Variants in MTHFD1L observed in about 807,000 individuals in gnomAD.
MTHFD1L encodes methylenetetrahydrofolate dehydrogenase (NADP+ dependent) 1 like.
A neutral mutation model predicts 119.5 loss-of-function variants in MTHFD1L; 81 were observed. The observed-to-expected ratio is 0.68, with a 90% CI of 0.57 to 0.82. MTHFD1L has a LOEUF of 0.82. Among genes scored for constraint, MTHFD1L ranks in the 40% least tolerant of loss-of-function variants. The pLI is 0.00. For synonymous variants in MTHFD1L, 430 were observed against 475.2 expected, an observed-to-expected ratio of 0.90 and a Z score of 1.24; for missense variants, 1,125 against 1,253.4, an observed-to-expected ratio of 0.90 and a Z score of 1.55.
chr6:151,096,393 T>C (rs1042003314), intron 27 of MTHFD1L, among the ~76,000 whole-genome samples: 1 of 152,174 alleles, frequency 6.6e-6, no homozygotes, highest in African/African-American at 2.4e-5. Flanking sequence ...CGTTTGACCC[T>C]GCTTGAACAA....
intron 2 of MTHFD1L, among the ~76,000 whole-genome samples, 197 bp from the exon 3 acceptor site, chr6:150,877,437 T>C (rs1222640028): frequency 6.6e-6 from 1 of 152,190 alleles, no homozygotes; most frequent in African/African-American, 2.4e-5. Context: ...AAAAGTGACA[T>C]AATTTGAAGG....
intron 20 of MTHFD1L, among the ~76,000 whole-genome samples, chr6:150,985,660 C>CAAAAAAAAAAAAA (rs71014533): frequency 6.3e-5 from 5 of 78,952 alleles, no homozygotes; most frequent in Admixed American, 1.4e-4. Flanking sequence ...GACTCTGTCT[C>CAAAAAAAAAAAAA]AAAAAAAAAA....
At chr6:150,897,250 A>T (rs1365272948) in intron 7 of MTHFD1L, among the ~76,000 whole-genome samples, 3 of 152,236 alleles carry the variant, frequency 2.0e-5, no homozygotes, top group Admixed American at 6.5e-5. Flanking sequence ...GAGTAAAAAC[A>T]TAATTAAAAC....
chr6:151,015,734 T>C (rs1299225437), intron 24 of MTHFD1L, 41 bp downstream of exon 24: 2 of 1,593,058 alleles, frequency 1.3e-6, no homozygotes, highest in Non-Finnish European at 1.7e-6. Context: ...TTCTTACACC[T>C]TAGCATGGGT....
chr6:151,065,305 A>G (rs1204183335), intron 26 of MTHFD1L, among the ~76,000 whole-genome samples: 2 of 152,164 alleles, frequency 1.3e-5, no homozygotes, highest in Non-Finnish European at 1.5e-5. Context: ...GACTCACGCC[A>G]TCTTGACTTG....
intron 8 of MTHFD1L, among the ~76,000 whole-genome samples, chr6:150,915,802 C>A (rs1335206280): frequency 6.6e-6 from 1 of 152,138 alleles, no homozygotes; most frequent in Non-Finnish European, 1.5e-5. Context: ...CAGGGTTTCA[C>A]CTTGTTGGCC....
At chr6:151,073,324 C>T (rs61103672) in intron 26 of MTHFD1L, among the ~76,000 whole-genome samples, 8,248 of 152,306 alleles carry the variant, frequency 0.054, 328 homozygotes, top group South Asian at 0.14. Flanking sequence ...AATGAGGGAA[C>T]AGTGCCTGCC....
chr6:151,012,758 C>G (rs1474971382), intron 21 of MTHFD1L, among the ~76,000 whole-genome samples: 2 of 152,042 alleles, frequency 1.3e-5, no homozygotes, highest in African/African-American at 4.8e-5. Flanking sequence ...GGAATTGGGT[C>G]ACATGATTAC....
intron 26 of MTHFD1L, among the ~76,000 whole-genome samples, chr6:151,066,950 G>A (rs1791364768): frequency 6.6e-6 from 1 of 151,260 alleles, no homozygotes; most frequent in Non-Finnish European, 1.5e-5. Context: ...CAGTTTGTAG[G>A]TCTCTGTAGT....
At chr6:150,960,150 C>A in intron 17 of MTHFD1L, 125 bp from the exon 18 acceptor site, 1 of 1,269,064 alleles carries the variant, frequency 7.9e-7, no homozygotes, top group South Asian at 1.5e-5. Context: ...GGATTGCATG[C>A]ATGGCCTTTT....
chr6:150,975,217 A>C (rs1376247915), intron 20 of MTHFD1L, among the ~76,000 whole-genome samples: 1 of 152,214 alleles, frequency 6.6e-6, no homozygotes, highest in Non-Finnish European at 1.5e-5. Context: ...GTGCTCTATG[A>C]TGTCTAAATA....
intron 20 of MTHFD1L, among the ~76,000 whole-genome samples, chr6:150,998,995 A>AAAAAAAATGTATATATATAT (rs986639098): frequency 7.0e-6 from 1 of 143,666 alleles, no homozygotes; most frequent in African/African-American, 2.6e-5. Context: ...GTCTTAAAAA[A>AAAAAAAATGTATATATATAT]ATATATATAC....
At chr6:150,900,608 C>T (rs1001234867) in intron 7 of MTHFD1L, among the ~76,000 whole-genome samples, 2 of 152,220 alleles carry the variant, frequency 1.3e-5, no homozygotes, top group African/African-American at 4.8e-5. Context: ...CTTGCTTTTC[C>T]TCCTACCCCT....
At chr6:151,066,495 G>A (rs557667762) in intron 26 of MTHFD1L, among the ~76,000 whole-genome samples, 2 of 150,274 alleles carry the variant, frequency 1.3e-5, no homozygotes, top group South Asian at 4.2e-4. Flanking sequence ...GCCGGGTGCG[G>A]TGGCTCACAC....
Position 151,017,239 on chromosome 6 carries a change from T to C in MTHFD1L, c.2586+1546T>C, listed in dbSNP as rs183581987. On this transcript the variant is annotated intron_variant, in intron 24 of 27. Coordinates refer to ENST00000367321, the MANE Select transcript of MTHFD1L (RefSeq NM_015440.5). Reference sequence around the variant, plus strand: ...CCTGCCAGCTACCATTCTCCTTCATTTCCATGAATGTAACAACTCCAGGGA... The same window carrying C: ...CCTGCCAGCTACCATTCTCCTTCATCTCCATGAATGTAACAACTCCAGGGA... 4.5e-4 allele frequency among the ~76,000 whole-genome samples: 68 copies of C among 152,304 alleles called. 1 individual carries two copies. In the East Asian group the frequency reaches 0.012, roughly 27 times the overall value.
In MTHFD1L at chr6:151,029,744, C is replaced by G. The variant is rs545267712; in HGVS notation, c.2587-4749C>G. Among the ~76,000 whole-genome samples the G allele has an allele frequency of 2.0e-5, 3 of 152,268 alleles. No homozygotes were observed. In the Middle Eastern group the frequency reaches 0.01, roughly 518 times the overall value. On this transcript the variant is annotated intron_variant, in intron 24 of 27. Coordinates refer to ENST00000367321, the MANE Select transcript of MTHFD1L (RefSeq NM_015440.5). ...CCAGGAGGCAGAGGTTGCAGTCAGC[C>G]AAGATCTCGCCATTCCACTCCACCC...
At chr6:151,009,544 AG>A (rs1207548608) in intron 20 of MTHFD1L, among the ~76,000 whole-genome samples, 2 of 145,024 alleles carry the variant, frequency 1.4e-5, no homozygotes, top group African/African-American at 5.2e-5. Context: ...CAAAAAAAAA[AG>A]CTTCACTGTG....
chr6:150,868,177 C>T (rs1778756522), intron 1 of MTHFD1L, among the ~76,000 whole-genome samples: 1 of 152,054 alleles, frequency 6.6e-6, no homozygotes, highest in South Asian at 2.1e-4. Flanking sequence ...GCTTTAGGGC[C>T]TGCACTGGGT....
At chr6:151,058,281 C>T (rs968359178) in intron 26 of MTHFD1L, among the ~76,000 whole-genome samples, 3 of 152,182 alleles carry the variant, frequency 2.0e-5, no homozygotes, top group South Asian at 4.1e-4. Flanking sequence ...CTGGGTGGGT[C>T]AGGGCCAGCT....
Sources: gnomAD v4.1 joint callset for allele counts (sites outside exome capture counted in the v4.1 genomes callset) on GRCh38, gnomAD v4.1.1 for gene constraint, MANE v1.5 for transcripts, NCBI Gene and HGNC (gene_info 2026-07-23, HGNC 2026-07-21) for gene names.